Variants in NXPE2 observed in about 807,000 individuals in gnomAD.
NXPE2 encodes neurexophilin and PC-esterase domain family member 2.
A neutral mutation model predicts 34.4 loss-of-function variants in NXPE2; 34 were observed. The observed-to-expected ratio is 0.99, with a 90% CI of 0.75 to 1.31. The LOEUF (loss-of-function observed/expected upper bound fraction) is 1.31. Ranked by LOEUF, NXPE2 falls within the 40% of genes most tolerant of loss-of-function variation. The pLI, the probability that NXPE2 is intolerant of heterozygous loss-of-function variation, is 0.00. For synonymous variants in NXPE2, 235 were observed against 231.3 expected (o/e 1.02, Z -0.15); for missense variants, 649 against 672.5 (o/e 0.97, Z 0.39).
the NXPE2 span, among the ~76,000 whole-genome samples, chr11:114,722,689 C>T: frequency 6.6e-6 from 1 of 152,270 alleles, no homozygotes; most frequent in Non-Finnish European, 1.5e-5. Context: ...ACTAAAGAGG[C>T]CAGCAGTGCT....
At chr11:114,790,034 C>T in the NXPE2 span, among the ~76,000 whole-genome samples, 1 of 152,210 alleles carries the variant, frequency 6.6e-6, no homozygotes, top group South Asian at 2.1e-4. Context: ...TGCACAAGCT[C>T]CTCAACTTCC....
At chr11:114,705,324 G>T (rs1951451261) in intron 4 of NXPE2, among the ~76,000 whole-genome samples, 1 of 152,202 alleles carries the variant, frequency 6.6e-6, no homozygotes, top group Non-Finnish European at 1.5e-5. Context: ...AATAAACAAT[G>T]TGACACACTC....
At chr11:114,614,509 A>G in the NXPE2 span, among the ~76,000 whole-genome samples, 2 of 151,896 alleles carry the variant, frequency 1.3e-5, no homozygotes, top group South Asian at 4.1e-4. Context: ...GGTGGATAAT[A>G]AATGTTGCCT....
At chr11:114,712,567 T>G in the NXPE2 span, among the ~76,000 whole-genome samples, 1 of 152,164 alleles carries the variant, frequency 6.6e-6, no homozygotes, top group Non-Finnish European at 1.5e-5. Flanking sequence ...TACAATGAGG[T>G]ATCACCTCAC....
the NXPE2 span, among the ~76,000 whole-genome samples, chr11:114,782,967 A>G: frequency 6.6e-5 from 10 of 152,344 alleles, no homozygotes; most frequent in Middle Eastern, 3.4e-3. Context: ...TGGGGAGATT[A>G]AACCTTATTT....
At chr11:114,623,015 C>A in the NXPE2 span, among the ~76,000 whole-genome samples, 1 of 151,998 alleles carries the variant, frequency 6.6e-6, no homozygotes, top group East Asian at 1.9e-4. Flanking sequence ...ATAAGTGTTG[C>A]CTTGCGGGAA....
chr11:114,769,016 A>G, the NXPE2 span, among the ~76,000 whole-genome samples: 1 of 152,222 alleles, frequency 6.6e-6, no homozygotes, highest in Non-Finnish European at 1.5e-5. Context: ...ATCAGAGTGA[A>G]CAGGCAACCT....
chr11:114,666,006 T>G, the NXPE2 span, among the ~76,000 whole-genome samples: 5 of 152,092 alleles, frequency 3.3e-5, no homozygotes, highest in African/African-American at 1.2e-4. Context: ...GGTTTCCGAT[T>G]CCAGTGCCCT....
At chr11:114,627,884 A>G in the NXPE2 span, among the ~76,000 whole-genome samples, 1 of 151,714 alleles carries the variant, frequency 6.6e-6, no homozygotes, top group Non-Finnish European at 1.5e-5. Flanking sequence ...TCTCTGATAA[A>G]ACAGACTTTA....
chr11:114,602,897 A>G, the NXPE2 span, among the ~76,000 whole-genome samples: 1 of 148,604 alleles, frequency 6.7e-6, no homozygotes, highest in East Asian at 2.0e-4. Context: ...TATCTAATAT[A>G]TAATTACAGA....
At chr11:114,614,202 A>G in the NXPE2 span, among the ~76,000 whole-genome samples, 1 of 140,280 alleles carries the variant, frequency 7.1e-6, no homozygotes, top group Non-Finnish European at 1.5e-5. Flanking sequence ...CCACCATGTA[A>G]TGTTAATGGA....
the NXPE2 span, among the ~76,000 whole-genome samples, chr11:114,610,956 G>GGA: frequency 7.1e-6 from 1 of 140,550 alleles, no homozygotes; most frequent in African/African-American, 2.6e-5. Context: ...TGCCTGGTTT[G>GGA]TAATAAGTGT....
the NXPE2 span, among the ~76,000 whole-genome samples, chr11:114,582,067 CT>C: frequency 6.6e-6 from 1 of 152,070 alleles, no homozygotes; most frequent in African/African-American, 2.4e-5. Context: ...AGTTTTTATT[CT>C]GTATATATTT....
the NXPE2 span, chr11:114,583,353 G>C: frequency 1.6e-6 from 1 of 620,030 alleles, no homozygotes; most frequent in South Asian, 1.5e-5. Context: ...AATCCTCACT[G>C]AATCTGCGTG....
the NXPE2 span, among the ~76,000 whole-genome samples, chr11:114,799,943 C>T: frequency 2.7e-5 from 4 of 149,642 alleles, no homozygotes; most frequent in South Asian, 2.2e-4. Context: ...CGTCTTCATC[C>T]GTTTTCTCTC....
chr11:114,530,047 G>C, the NXPE2 span: 1 of 966,896 alleles, frequency 1.0e-6, no homozygotes, highest in Non-Finnish European at 1.5e-6. Flanking sequence ...GCCCCAAGAA[G>C]ACACCACATG....
chr11:114,508,051 G>A, the NXPE2 span, among the ~76,000 whole-genome samples: 2 of 152,128 alleles, frequency 1.3e-5, no homozygotes, highest in African/African-American at 4.8e-5. Context: ...AAAGTCTCAG[G>A]TTACAAAATC....
At chr11:114,602,303 C>T in the NXPE2 span, among the ~76,000 whole-genome samples, 2 of 114,392 alleles carry the variant, frequency 1.7e-5, no homozygotes, top group African/African-American at 6.7e-5. Flanking sequence ...ATAACATATA[C>T]TATATATAAT....
chr11:114,789,160 G>T, the NXPE2 span, among the ~76,000 whole-genome samples: 2 of 152,176 alleles, frequency 1.3e-5, no homozygotes, highest in African/African-American at 4.8e-5. Context: ...CTTGAAGATT[G>T]CTAAGAGAGT....
Sources: gnomAD v4.1 joint callset for allele counts (sites outside exome capture counted in the v4.1 genomes callset) on GRCh38, gnomAD v4.1.1 for gene constraint, MANE v1.5 for transcripts, NCBI Gene and HGNC (gene_info 2026-07-23, HGNC 2026-07-21) for gene names.